KLHL32: variants seen among roughly 807,000 people sequenced by gnomAD.
KLHL32 encodes the protein kelch like family member 32.
A neutral mutation model predicts 64.8 loss-of-function variants in KLHL32; 35 were observed. The observed-to-expected ratio is 0.54, with a 90% CI of 0.41 to 0.72. KLHL32 has a LOEUF of 0.72. KLHL32 is among the 30% of genes least tolerant of loss of function. KLHL32 has a pLI of 0.00. For synonymous variants in KLHL32, 259 were observed against 281.0 expected, an observed-to-expected ratio of 0.92 and a Z score of 0.78; for missense variants, 589 against 768.5, an observed-to-expected ratio of 0.77 and a Z score of 2.76.
At chr6:97,066,353 C>T (rs1197676095) in intron 5 of KLHL32, among the ~76,000 whole-genome samples, 1 of 152,144 alleles carries the variant, frequency 6.6e-6, no homozygotes, top group South Asian at 2.1e-4. Context: ...GTGAGAATTC[C>T]AGATGAACAT....
rs535059995 is a variant in KLHL32 at position 97,086,373 on chromosome 6, C to A, written c.627+1032C>A. Among the ~76,000 whole-genome samples the A allele has an allele frequency of 5.2e-4, 79 of 152,266 alleles. 1 individual carries two copies. The South Asian group carries it at 0.016, about 31-fold the overall frequency. ...CTGCCTTATTTCATTATTTGTGTTACTTTAATCAGTAACTTCCCTCTTCAT... is the reference window on the plus strand; with the variant it reads ...CTGCCTTATTTCATTATTTGTGTTAATTTAATCAGTAACTTCCCTCTTCAT... On this transcript the variant is annotated intron_variant, in intron 6 of 10. Transcript: ENST00000369261.
intron 4 of KLHL32, among the ~76,000 whole-genome samples, chr6:97,052,700 G>T (rs540967101): frequency 6.6e-6 from 1 of 152,224 alleles, no homozygotes; most frequent in Admixed American, 6.5e-5. Flanking sequence ...GCAAATTTCC[G>T]AATTTCCCTG....
intron 1 of KLHL32, among the ~76,000 whole-genome samples, chr6:96,958,008 C>T (rs554864410): frequency 1.2e-4 from 19 of 152,090 alleles, no homozygotes; most frequent in Non-Finnish European, 2.6e-4. Flanking sequence ...AATGGTAGTC[C>T]ATGAGGATTT....
intron 3 of KLHL32, among the ~76,000 whole-genome samples, chr6:97,037,385 A>G (rs1433315173): frequency 6.8e-6 from 1 of 146,650 alleles, no homozygotes; most frequent in African/African-American, 2.6e-5. Context: ...AAATGTATAG[A>G]CTTGTGAGGA....
intron 5 of KLHL32, among the ~76,000 whole-genome samples, chr6:97,065,550 T>C (rs1319825333): frequency 2.6e-5 from 4 of 152,226 alleles, no homozygotes; most frequent in African/African-American, 9.6e-5. Flanking sequence ...TTTGCAATTT[T>C]AGGATCCTCC....
intron 5 of KLHL32, among the ~76,000 whole-genome samples, chr6:97,080,679 G>A (rs994580656): frequency 2.0e-5 from 3 of 152,204 alleles, no homozygotes; most frequent in Non-Finnish European, 4.4e-5. Flanking sequence ...GAACGTACCT[G>A]GCATTGTTCT....
intron 3 of KLHL32, among the ~76,000 whole-genome samples, chr6:97,021,884 T>G (rs566803288): frequency 1.3e-5 from 2 of 151,062 alleles, no homozygotes; most frequent in Admixed American, 1.3e-4. Flanking sequence ...TAATGGCAAC[T>G]GTCCAGTTAA....
intron 3 of KLHL32, among the ~76,000 whole-genome samples, chr6:96,982,123 A>G (rs146930249): frequency 7.0e-4 from 106 of 152,242 alleles, no homozygotes; most frequent in African/African-American, 2.5e-3. Context: ...CTCTGCCTCA[A>G]TGATCTATCT....
rs112419425 is a variant in KLHL32, at chr6:97,112,116, C to T, written c.628-1667C>T. ...GAATGTATGTTCTCACTTTGGGCTG[C>T]GGTGCCAGGCTTGAGGGTGGGGCCC... is the stretch of plus-strand genomic sequence containing the variant. On this transcript the variant is annotated intron_variant, in intron 6 of 10. Coordinates refer to ENST00000369261, the MANE Select transcript of KLHL32 (RefSeq NM_052904.4). Among the ~76,000 whole-genome samples the T allele has an allele frequency of 3.6e-3, 549 of 152,218 alleles. 3 individuals carry two copies. The highest frequency in any genetic ancestry group is 0.011 in the African/African-American group (477 of 41,552).
intron 5 of KLHL32, among the ~76,000 whole-genome samples, chr6:97,075,862 T>C (rs1422528956): frequency 6.6e-6 from 1 of 152,224 alleles, no homozygotes; most frequent in African/African-American, 2.4e-5. Flanking sequence ...TACACTTTTT[T>C]GTCTTAATTA....
intron 6 of KLHL32, among the ~76,000 whole-genome samples, chr6:97,090,035 A>C (rs118096987): frequency 1.3e-5 from 2 of 152,130 alleles, no homozygotes; most frequent in Admixed American, 6.5e-5. Flanking sequence ...AAGAGGGACC[A>C]TGTCACCTGA....
At chr6:97,131,021 T>G (rs1799386725) in intron 9 of KLHL32, 72 bp downstream of exon 9, 1 of 1,283,944 alleles carries the variant, frequency 7.8e-7, no homozygotes, top group East Asian at 2.3e-5. Context: ...CATAGACATC[T>G]TTAGGGCATC....
chr6:96,983,206 A>C lies in KLHL32; in HGVS notation c.204+7029A>C, dbSNP rs143338505. Among the ~76,000 whole-genome samples, 1,345 of 152,338 alleles carry C rather than the reference A, an allele frequency of 8.8e-3. 26 individuals are homozygous for C. The highest frequency in any genetic ancestry group is 0.031 in the African/African-American group (1,291 of 41,534). On this transcript the variant is annotated intron_variant, in intron 3 of 10. Transcript: ENST00000369261. Reference sequence around the variant, plus strand: ...TTTATTGATTTGCATATGTTGAACTAGCCTTGCATCCCAGGGATGAAGCCC... The same window carrying C: ...TTTATTGATTTGCATATGTTGAACTCGCCTTGCATCCCAGGGATGAAGCCC...
Position 97,114,055 on chromosome 6 carries a change from G to A in KLHL32, c.900G>A (p.Glu300=), listed in dbSNP as rs769997673. ...ATATCATTGGTGGGAAAAAGCGCGA[G>A]GTCTGCAAGGTCAAGGAACTTCGGT... ...TLYIIGGKKR[E]VCKVKELRYF... Residue 300 remains glutamate, a synonymous_variant, in exon 7 of 11, where the codon GAG becomes GAA. Coordinates refer to ENST00000369261, the MANE Select transcript of KLHL32 (RefSeq NM_052904.4). 3.7e-6 allele frequency: 6 copies of A among 1,614,182 alleles called. No individual in the cohort carries two copies. In the South Asian group the frequency reaches 6.6e-5, roughly 18 times the overall value.
rs955283714 is a variant in KLHL32, at chr6:97,139,499, G to T, written c.*217G>T. 12 of 501,072 alleles carry T rather than the reference G, an allele frequency of 2.4e-5. No homozygotes were observed. The highest frequency in any genetic ancestry group is 3.5e-5 in the Non-Finnish European group (10 of 283,322). The allele number at this position is 501,072 out of a possible 1,614,324, so 31.0% of individuals were successfully genotyped here. ...ATTCAATATGTATGACTTTTATTGT[G>T]GTATAGCTTAGTGCCAATTTAAGGT... On this transcript the variant is annotated 3_prime_UTR_variant, in exon 11 of 11. Coordinates refer to ENST00000369261, the MANE Select transcript of KLHL32 (RefSeq NM_052904.4).
At chr6:97,081,821 C>CT (rs1052703477) in intron 5 of KLHL32, among the ~76,000 whole-genome samples, 1 of 152,140 alleles carries the variant, frequency 6.6e-6, no homozygotes, top group South Asian at 2.1e-4. Flanking sequence ...TAGGGCTTGC[C>CT]TTTTTTTGCT....
At chr6:97,030,279 ACCACC>A (rs1324947442) in intron 3 of KLHL32, among the ~76,000 whole-genome samples, 1 of 152,210 alleles carries the variant, frequency 6.6e-6, no homozygotes, top group African/African-American at 2.4e-5. Flanking sequence ...GTCGTAAGGT[ACCACC>A]CTAAAATGTA....
chr6:96,954,698 G>A (rs7759560), intron 1 of KLHL32, among the ~76,000 whole-genome samples: 3 of 152,136 alleles, frequency 2.0e-5, no homozygotes, highest in Admixed American at 2.0e-4. Flanking sequence ...TCTACTGAAC[G>A]TGGCATTCCC....
intron 6 of KLHL32, among the ~76,000 whole-genome samples, chr6:97,096,697 G>A (rs2128191207): frequency 6.6e-6 from 1 of 152,332 alleles, no homozygotes; most frequent in East Asian, 1.9e-4. Context: ...ATAGCATCAA[G>A]TTCTTAAGCA....
Sources: gnomAD v4.1 joint callset for allele counts (sites outside exome capture counted in the v4.1 genomes callset) on GRCh38, gnomAD v4.1.1 for gene constraint, MANE v1.5 for transcripts, NCBI Gene and HGNC (gene_info 2026-07-23, HGNC 2026-07-21) for gene names.